The following H6PD variants were observed in gnomAD, a reference collection of about 807,000 sequenced individuals.
H6PD encodes the protein GDH/6PGL endoplasmic bifunctional protein.
Under a neutral mutation model 61.2 loss-of-function variants are expected in H6PD, and 48 were observed. That is an observed-to-expected ratio of 0.78 (90% CI 0.62 to 1.00). The LOEUF (loss-of-function observed/expected upper bound fraction) is 1.00. Among genes scored for constraint, H6PD ranks in the 50% least tolerant of loss-of-function variants. The pLI, the probability that H6PD is intolerant of heterozygous loss-of-function variation, is 0.00. For synonymous variants in H6PD, 480 were observed against 457.9 expected (o/e 1.05, Z -0.62); for missense variants, 1,093 against 1,065.0 (o/e 1.03, Z -0.37).
rs555400330 is a variant in H6PD, at chr1:9,243,038, T to C, written c.-10-1887T>C. The stretch of plus-strand genomic sequence containing the variant: ...GAGAGGAAGGCTGGGGAGCCACCCG[T>C]GTGGCCCTGATCCTCTAGTTAAAGC... On this transcript the variant is annotated intron_variant, in intron 1 of 4. Coordinates refer to ENST00000377403, the MANE Select transcript of H6PD (RefSeq NM_004285.4). 3.2e-5 allele frequency: 28 copies of C among 869,134 alleles called. No individual in the cohort carries two copies. The African/African-American group carries it at 4.9e-4, about 15-fold the overall frequency. 53.8% of individuals were successfully genotyped at this position (869,134 alleles called of 1,614,324 possible).
rs201064042 is a variant in H6PD at position 9,247,057 on chromosome 1, T to C, written c.719T>C (p.Ile240Thr). The C allele has an allele frequency of 3.3e-5, 53 of 1,612,910 alleles. No individual in the cohort carries two copies. Among genetic ancestry groups the C allele is most frequent in the Non-Finnish European group, 4.2e-5 (50 of 1,179,036 alleles). The change falls in exon 3 of 5, where the codon ATC becomes ACC. Residue 240 changes from isoleucine to threonine, a missense_variant. Physicochemically the swap from Ile to Thr is moderately conservative, Grantham distance 89 (BLOSUM62 -1). Transcript: ENST00000377403. ...CACCATGTGGAGCGGGTGGAGATCATCATGAAAGAGACCGTGGATGCTGAA... is the reference window on the plus strand; with the variant it reads ...CACCATGTGGAGCGGGTGGAGATCACCATGAAAGAGACCGTGGATGCTGAA... ...NRHHVERVEI[I>T]MKETVDAEGR...
rs1189608813 is a variant in H6PD at position 9,264,037 on chromosome 1, T to C, written c.1544T>C (p.Phe515Ser). ...AATGGCCGTCTGTTGGACTTTGAGT[T>C]CAGTAGCGGCCGGTTGTTCTTTTCC... ...AENGRLLDFE[F>S]SSGRLFFSQQ... is the part of the protein sequence containing the mutation. Residue 515 changes from phenylalanine (F) to serine (S), a missense_variant, in exon 5 of 5, where the codon TTC becomes TCC. By Grantham distance (155) the Phe-to-Ser change is radical (BLOSUM62 -2). Transcript: ENST00000377403. 6.2e-7 allele frequency: 1 copy of C among 1,614,192 alleles called. No homozygotes were observed. Among genetic ancestry groups the C allele is most frequent in the Non-Finnish European group, 8.5e-7 (1 of 1,180,042 alleles).
intron 3 of H6PD, among the ~76,000 whole-genome samples, chr1:9,247,782 C>T (rs1339776957): frequency 6.6e-6 from 1 of 152,198 alleles, no homozygotes; most frequent in East Asian, 1.9e-4. Flanking sequence ...CAGCATGTCA[C>T]TCCTTGCAGC....
Position 9,270,847 on chromosome 1 carries a change from C to T in H6PD, c.*5978C>T, listed in dbSNP as rs187226323. 8.5e-5 allele frequency: 13 copies of T among 152,200 alleles called. No individual in the cohort carries two copies. The East Asian group carries it at 1.5e-3, about 18-fold the overall frequency. 9.4% of individuals were successfully genotyped at this position (152,200 alleles called of 1,614,324 possible). ...CCCATTGCCAAGCAGCAAGAATGTT[C>T]GTGCTTTTTTCCAGAGAGGGGAACC... On this transcript the variant is annotated 3_prime_UTR_variant, in exon 5 of 5. Coordinates refer to ENST00000377403, the MANE Select transcript of H6PD (RefSeq NM_004285.4).
At chr1:9,246,605 G>T (rs1425465408) in intron 2 of H6PD, among the ~76,000 whole-genome samples, 1 of 152,170 alleles carries the variant, frequency 6.6e-6, no homozygotes, top group African/African-American at 2.4e-5. Context: ...TCCTGGGGAG[G>T]TTTTCACTTG....
intron 1 of H6PD, among the ~76,000 whole-genome samples, chr1:9,237,616 T>G (rs1053953567): frequency 1.3e-5 from 2 of 152,192 alleles, no homozygotes; most frequent in African/African-American, 2.4e-5. Flanking sequence ...CTCATATGGT[T>G]GTGGCAAGAT....
chr1:9,265,028 T>C lies in H6PD; in HGVS notation c.*159T>C, dbSNP rs1001021724. The C allele has an allele frequency of 1.3e-5, 10 of 760,446 alleles. No homozygotes were observed. Among genetic ancestry groups the C allele is most frequent in the Non-Finnish European group, 2.3e-5 (10 of 444,064 alleles). The allele number at this position is 760,446 out of a possible 1,614,324, so 47.1% of individuals were successfully genotyped here. On this transcript the variant is annotated 3_prime_UTR_variant, in exon 5 of 5. Coordinates refer to ENST00000377403, the MANE Select transcript of H6PD (RefSeq NM_004285.4). ...GAGGGCAGGACAAGCCTTGTCCCGA[T>C]GCCTTTGACCGGCAGCTCTGTGTAT...
At position 9,266,174 on chromosome 1, in the gene H6PD, G is replaced by C. The variant is rs1018611046; in HGVS notation, c.*1305G>C. ...TCTGCTCCCACCAGACAGGAGCTAG[G>C]CCTCACTGGCAGGGGGGCTGCCCAC... On this transcript the variant is annotated 3_prime_UTR_variant, in exon 5 of 5. Transcript: ENST00000377403. 1.3e-5 allele frequency: 2 copies of C among 152,318 alleles called. No individual in the cohort carries two copies. Among genetic ancestry groups the C allele is most frequent in the African/African-American group, 4.8e-5 (2 of 41,460 alleles). The allele number at this position is 152,318 out of a possible 1,614,324, so 9.4% of individuals were successfully genotyped here.
intron 3 of H6PD, among the ~76,000 whole-genome samples, chr1:9,251,436 C>CTGTTGTTGTTGTTGT (rs58988268): frequency 6.6e-6 from 1 of 151,136 alleles, no homozygotes; most frequent in East Asian, 2.0e-4. Flanking sequence ...AGAAGGCCTG[C>CTGTTGTTGTTGTTGT]TGTTGTTGTT....
intron 1 of H6PD, among the ~76,000 whole-genome samples, chr1:9,239,239 T>G (rs1226181542): frequency 2.0e-5 from 3 of 151,324 alleles, no homozygotes; most frequent in Non-Finnish European, 4.4e-5. Context: ...TAGAAACGGG[T>G]TTTTGCCATG....
At chr1:9,263,122 C>T (rs539289198) in intron 4 of H6PD, among the ~76,000 whole-genome samples, 5 of 152,010 alleles carry the variant, frequency 3.3e-5, no homozygotes, top group South Asian at 2.1e-4. Flanking sequence ...GAGGGAAGCA[C>T]GTTTCTCTGT....
chr1:9,262,293 C>T lies in H6PD; in HGVS notation c.980C>T (p.Pro327Leu). Reference protein sequence around the residue: ...SEQVRRELQKPDSFHSLTPTF... With the variant: ...SEQVRRELQKLDSFHSLTPTF... ...CAGGTGCGCAGAGAGCTGCAGAAGCCAGACAGCTTCCACAGCCTGACGCCG... is the reference window on the plus strand; with the variant it reads ...CAGGTGCGCAGAGAGCTGCAGAAGCTAGACAGCTTCCACAGCCTGACGCCG... The change falls in exon 4 of 5, where the codon CCA (proline) becomes CTA (leucine). Residue 327 changes from proline (P) to leucine (L), a missense_variant. Physicochemically the swap from Pro to Leu is moderately conservative, Grantham distance 98 (BLOSUM62 -3). Coordinates refer to ENST00000377403, the MANE Select transcript of H6PD (RefSeq NM_004285.4). 1 of 1,608,444 alleles carries T rather than the reference C, an allele frequency of 6.2e-7. No individual in the cohort carries two copies. The highest frequency in any genetic ancestry group is 1.7e-4 in the Middle Eastern group (1 of 5,932).
rs757758611 is a variant in H6PD at position 9,245,606 on chromosome 1, G to A, written c.627+45G>A. 23 of 1,590,084 alleles carry A rather than the reference G, an allele frequency of 1.4e-5. No individual in the cohort carries two copies. Among genetic ancestry groups the A allele is most frequent in the African/African-American group, 1.2e-4 (9 of 74,416 alleles). On this transcript the variant is annotated intron_variant, in intron 2 of 4. Coordinates refer to ENST00000377403, the MANE Select transcript of H6PD (RefSeq NM_004285.4). The surrounding 1 kb of genome is among the most constrained non-coding windows in gnomAD (Gnocchi z 4.8). Reference sequence around the variant, plus strand: ...CTGCCAGGGCTAGGGTGAGCTGGGCGCTGGTAGACCCCAGCAACAAAGCCG... The same window carrying A: ...CTGCCAGGGCTAGGGTGAGCTGGGCACTGGTAGACCCCAGCAACAAAGCCG...
At chr1:9,250,014 G>T (rs201160128) in intron 3 of H6PD, among the ~76,000 whole-genome samples, 1 of 152,208 alleles carries the variant, frequency 6.6e-6, no homozygotes, top group East Asian at 1.9e-4. Context: ...GCTGGCCCAA[G>T]CACTGCTCTG....
In H6PD at chr1:9,263,886, A is replaced by G. The variant is rs1399329828; in HGVS notation, c.1393A>G (p.Ile465Val). ...RDAHSVLLSH[I>V]FHGRKNFFIT... ...CGCCCACTCCGTCCTCTTATCCCAT[A>G]TCTTCCATGGCCGGAAGAATTTCTT... The change falls in exon 5 of 5, where the codon ATC becomes GTC. Residue 465 changes from isoleucine (I) to valine (V), a missense_variant. Physicochemically the swap from Ile to Val is conservative, Grantham distance 29. Transcript: ENST00000377403. The G allele has an allele frequency of 1.2e-6, 2 of 1,613,962 alleles. No homozygotes were observed. The highest frequency in any genetic ancestry group is 1.1e-5 in the South Asian group (1 of 91,084).
At chr1:9,237,234 CTCT>C in intron 1 of H6PD, among the ~76,000 whole-genome samples, 1 of 74,678 alleles carries the variant, frequency 1.3e-5, no homozygotes, top group African/African-American at 5.4e-5. Flanking sequence ...TATTTGACTT[CTCT>C]TTTTTTTTTT....
At chr1:9,256,749 CG>C (rs1267270402) in intron 3 of H6PD, among the ~76,000 whole-genome samples, 2 of 152,192 alleles carry the variant, frequency 1.3e-5, no homozygotes, top group African/African-American at 4.8e-5. Flanking sequence ...GTATAAGAAA[CG>C]GGGATGCACC....
At chr1:9,259,002 T>C (rs1293554744) in intron 3 of H6PD, among the ~76,000 whole-genome samples, 3 of 152,236 alleles carry the variant, frequency 2.0e-5, no homozygotes, top group East Asian at 3.9e-4. Context: ...TTGTTTGTTT[T>C]TGTTTTTGAG....
chr1:9,244,805 T>G, intron 1 of H6PD, 120 bp from the exon 2 acceptor site: 1 of 960,078 alleles, frequency 1.0e-6, no homozygotes, highest in Non-Finnish European at 1.7e-6. Context: ...GCTTATAACA[T>G]TTTCTTAAGA....
Sources: gnomAD v4.1 joint callset for allele counts (sites outside exome capture counted in the v4.1 genomes callset) on GRCh38, gnomAD v4.1.1 for gene constraint, Gnocchi (gnomAD v3.1) non-coding constraint, MANE v1.5 for transcripts, NCBI Gene and HGNC (gene_info 2026-07-23, HGNC 2026-07-21) for gene names.